PLCG1: variants seen among roughly 807,000 people sequenced by gnomAD.
PLCG1 encodes the protein phospholipase C gamma 1, also known as 1-phosphatidylinositol 4,5-bisphosphate phosphodiesterase gamma-1.
In PLCG1, 71 loss-of-function variants were observed where a neutral mutation model predicts 177.8. That is an observed-to-expected ratio of 0.40 (90% CI 0.33 to 0.49). The LOEUF (loss-of-function observed/expected upper bound fraction) is 0.49, where lower values mean the gene tolerates loss of function less well. Ranked by LOEUF, PLCG1 falls within the 20% of genes least tolerant of loss-of-function variation. The pLI is 0.72. For missense variants in PLCG1, 1,281 were observed against 1,709.0 expected (o/e 0.75, Z 4.42); for synonymous variants, 658 against 647.9 (o/e 1.02, Z -0.24).
chr20:41,141,598 G>T (rs1481005737), intron 1 of PLCG1, among the ~76,000 whole-genome samples: 1 of 152,246 alleles, frequency 6.6e-6, no homozygotes, highest in Non-Finnish European at 1.5e-5. Flanking sequence ...GTTACTCCCA[G>T]TGGGAGAGGG....
chr20:41,163,921 G>A lies in PLCG1; in HGVS notation c.1011G>A (p.Thr337=). 6.2e-7 allele frequency: 1 copy of A among 1,614,090 alleles called. No homozygotes were observed. Among genetic ancestry groups the A allele is most frequent in the Admixed American group, 1.7e-5 (1 of 60,032 alleles). The part of the protein sequence containing the change: ...SHYWISSSHN[T]YLTGDQFSSE... ...TACCTGCCTCTCCTTGCCTATCCAG[G>A]TACCTGACCGGGGACCAGTTCTCCA... Residue 337 remains threonine (T), a splice_region_variant and synonymous_variant, in exon 11 of 32, where the codon ACG becomes ACA. Transcript: ENST00000685551. This position sits in a 1 kb window ranked among gnomAD's most constrained non-coding sequence, Gnocchi z 5.2.
chr20:41,159,017 G>A lies in PLCG1; in HGVS notation c.218-589G>A, dbSNP rs1401278191. ...TAAGGAAATGGTCCCAGGCAAAATG[G>A]TGGTCTGGGTCCAGGATGGTTGCTG... On this transcript the variant is annotated intron_variant, in intron 1 of 31. Coordinates refer to ENST00000685551, the MANE Select transcript of PLCG1 (RefSeq NM_002660.3). This position sits in a 1 kb window ranked among gnomAD's most constrained non-coding sequence, Gnocchi z 6.0. Among the ~76,000 whole-genome samples the A allele has an allele frequency of 2.6e-5, 4 of 152,216 alleles. No individual in the cohort carries two copies. Among genetic ancestry groups the A allele is most frequent in the African/African-American group, 7.2e-5 (3 of 41,450 alleles).
rs1361508099 is a variant in PLCG1 at position 41,163,373 on chromosome 20, A to T, written c.790-5A>T. Reference sequence around the variant, plus strand: ...TCTCATCCCCTGCCCTCCCTACCCCATCAGGAGCTGTGGGCTGTTGATCGC... The same window carrying T: ...TCTCATCCCCTGCCCTCCCTACCCCTTCAGGAGCTGTGGGCTGTTGATCGC... On this transcript the variant is annotated splice_polypyrimidine_tract_variant and splice_region_variant and intron_variant, in intron 8 of 31. Coordinates refer to ENST00000685551, the MANE Select transcript of PLCG1 (RefSeq NM_002660.3). This position sits in a 1 kb window ranked among gnomAD's most constrained non-coding sequence, Gnocchi z 5.2. The T allele has an allele frequency of 1.2e-6, 2 of 1,611,544 alleles. No individual in the cohort carries two copies. The highest frequency in any genetic ancestry group is 1.7e-5 in the Admixed American group (1 of 59,980).
rs767728869 is a variant in PLCG1, at chr20:41,167,768, A to G, written c.2302-84A>G. ...GTGCAAGTTTGCTGCACTGGGGGAA[A>G]GGGAAGCTGCTCCAGAAACCAGTAG... On this transcript the variant is annotated intron_variant, in intron 19 of 31. Coordinates refer to ENST00000685551, the MANE Select transcript of PLCG1 (RefSeq NM_002660.3). The surrounding 1 kb of genome is among the most constrained non-coding windows in gnomAD (Gnocchi z 4.4). The G allele has an allele frequency of 2.1e-6, 2 of 966,714 alleles. No individual in the cohort carries two copies. The highest frequency in any genetic ancestry group is 3.3e-6 in the Non-Finnish European group (2 of 603,200). 59.9% of individuals were successfully genotyped at this position (966,714 alleles called of 1,614,324 possible). A position where few individuals can be genotyped will look rare whatever the true frequency, so the allele number is the denominator to read the frequency against.
chr20:41,152,644 CCTGCT>C (rs1162062028), intron 1 of PLCG1, among the ~76,000 whole-genome samples: 8 of 152,250 alleles, frequency 5.3e-5, no homozygotes, highest in African/African-American at 1.9e-4. Flanking sequence ...TGTGTTTACT[CCTGCT>C]CTTAAGTACT....
At chr20:41,171,443 C>T (rs550381665) in intron 24 of PLCG1, among the ~76,000 whole-genome samples, 5 of 151,988 alleles carry the variant, frequency 3.3e-5, no homozygotes, top group Admixed American at 6.5e-5. Flanking sequence ...AAAAATTAGC[C>T]GGGCATGTTG....
chr20:41,174,802 G>C lies in PLCG1; in HGVS notation c.*293G>C. 2.3e-6 allele frequency: 1 copy of C among 440,142 alleles called. No individual in the cohort carries two copies. The highest frequency in any genetic ancestry group is 4.2e-6 in the Non-Finnish European group (1 of 239,042). The allele number at this position is 440,142 out of a possible 1,614,324, so 27.3% of individuals were successfully genotyped here. On this transcript the variant is annotated 3_prime_UTR_variant, in exon 32 of 32. Coordinates refer to ENST00000685551, the MANE Select transcript of PLCG1 (RefSeq NM_002660.3). This position sits in a 1 kb window ranked among gnomAD's most constrained non-coding sequence, Gnocchi z 5.8. ...GGATCCTTCCATCTTGTGGGGCCAG[G>C]ACCATGGCCGAAGCCCCTTGGAGAG...
In PLCG1 at chr20:41,166,459, ACT is replaced by A. The variant is rs760854981; in HGVS notation, c.2001-14_2001-13del. 13 of 1,613,562 alleles carry A rather than the reference ACT, an allele frequency of 8.1e-6. No homozygotes were observed. Among genetic ancestry groups the A allele is most frequent in the African/African-American group, 1.3e-5 (1 of 74,834 alleles). On this transcript the variant is annotated splice_polypyrimidine_tract_variant and intron_variant, in intron 17 of 31. Transcript: ENST00000685551. The surrounding 1 kb of genome is among the most constrained non-coding windows in gnomAD (Gnocchi z 8.6). ...CCATGGGTGGTGCTGGCCGGGCCTGACTCTGCCTGTTCTCAGGTGGTACCACG... is the reference window on the plus strand; with the variant it reads ...CCATGGGTGGTGCTGGCCGGGCCTGACTGCCTGTTCTCAGGTGGTACCACG...
Position 41,148,044 on chromosome 20 carries a change from C to T in PLCG1, c.217+10186C>T, listed in dbSNP as rs1388520955. On this transcript the variant is annotated intron_variant, in intron 1 of 31. Coordinates refer to ENST00000685551, the MANE Select transcript of PLCG1 (RefSeq NM_002660.3). This position sits in a 1 kb window ranked among gnomAD's most constrained non-coding sequence, Gnocchi z 4.3. ...GGAGTGCAGCCAGATGCTGTGGCGG[C>T]TGGGTCAAGTAGCTCTAAAACAGGA... is the stretch of plus-strand genomic sequence containing the variant. Among the ~76,000 whole-genome samples, 3 of 152,080 alleles carry T rather than the reference C, an allele frequency of 2.0e-5. No individual in the cohort carries two copies. Among genetic ancestry groups the T allele is most frequent in the African/African-American group, 7.2e-5 (3 of 41,410 alleles).
chr20:41,165,075 C>T lies in PLCG1; in HGVS notation c.1360C>T (p.Gln454Ter). The change falls in exon 13 of 32, where the codon CAG becomes TAG. Residue 454 changes from glutamine to a stop codon, truncating the protein, a stop_gained. Coordinates refer to ENST00000685551, the MANE Select transcript of PLCG1 (RefSeq NM_002660.3). LOFTEE classifies it high-confidence loss of function. The surrounding 1 kb of genome is among the most constrained non-coding windows in gnomAD (Gnocchi z 6.6). ...ISADGLPSPN[Q>*]LKRKILIKHK... ...TGCCGACGGGCTCCCCTCACCCAACCAGCTTAAGAGGAAGATCCTCATCAA... is the reference window on the plus strand; with the variant it reads ...TGCCGACGGGCTCCCCTCACCCAACTAGCTTAAGAGGAAGATCCTCATCAA... The T allele has an allele frequency of 6.2e-7, 1 of 1,613,900 alleles. No individual in the cohort carries two copies. Among genetic ancestry groups the T allele is most frequent in the South Asian group, 1.1e-5 (1 of 91,036 alleles).
chr20:41,154,239 G>A (rs1222445271), intron 1 of PLCG1, among the ~76,000 whole-genome samples: 1 of 152,158 alleles, frequency 6.6e-6, no homozygotes, highest in Non-Finnish European at 1.5e-5. Flanking sequence ...TAAATTTGGG[G>A]GACCTCTGTC....
Position 41,173,015 on chromosome 20 carries a change from G to A in PLCG1, c.3279+138G>A, listed in dbSNP as rs978931767. The A allele has an allele frequency of 3.8e-6, 3 of 798,036 alleles. No homozygotes were observed. Among genetic ancestry groups the A allele is most frequent in the Non-Finnish European group, 5.9e-6 (3 of 506,046 alleles). The allele number at this position is 798,036 out of a possible 1,614,324, so 49.4% of individuals were successfully genotyped here. On this transcript the variant is annotated intron_variant, in intron 27 of 31. Transcript: ENST00000685551. The surrounding 1 kb of genome is among the most constrained non-coding windows in gnomAD (Gnocchi z 6.2). ...TGGGTGGGGCCTGAGCTGAGTCTTT[G>A]AAGGGGTGAAGATAGCATGCAGTCA...
Position 41,166,925 on chromosome 20 carries a change from T to G in PLCG1, c.2301+66T>G, listed in dbSNP as rs1406456905. ...GGAGAGACCCAGAATCTTACCAGTCTCTGGATGTGTGTAACAGCAAGACCT... is the reference window on the plus strand; with the variant it reads ...GGAGAGACCCAGAATCTTACCAGTCGCTGGATGTGTGTAACAGCAAGACCT... On this transcript the variant is annotated intron_variant, in intron 19 of 31. Coordinates refer to ENST00000685551, the MANE Select transcript of PLCG1 (RefSeq NM_002660.3). This position sits in a 1 kb window ranked among gnomAD's most constrained non-coding sequence, Gnocchi z 8.6. 3.5e-6 allele frequency: 5 copies of G among 1,448,188 alleles called. No individual in the cohort carries two copies. The highest frequency in any genetic ancestry group is 4.8e-6 in the Non-Finnish European group (5 of 1,035,890). 89.7% of individuals were successfully genotyped at this position (1,448,188 alleles called of 1,614,324 possible).
At position 41,160,010 on chromosome 20, in the gene PLCG1, A is replaced by G. The variant is rs767641465; in HGVS notation, c.464+47A>G. 6.3e-7 allele frequency: 1 copy of G among 1,598,258 alleles called. No individual in the cohort carries two copies. Among genetic ancestry groups the G allele is most frequent in the South Asian group, 1.1e-5 (1 of 90,774 alleles). The stretch of plus-strand genomic sequence containing the variant: ...GTTAGGGCTGGGAGCATTAGGGACC[A>G]GGGGGACAGGGACAGCAGACCTTTG... On this transcript the variant is annotated intron_variant, in intron 3 of 31. Transcript: ENST00000685551. This position sits in a 1 kb window ranked among gnomAD's most constrained non-coding sequence, Gnocchi z 5.5.
intron 24 of PLCG1, among the ~76,000 whole-genome samples, chr20:41,171,455 C>T (rs2035892094): frequency 6.6e-6 from 1 of 151,924 alleles, no homozygotes; most frequent in African/African-American, 2.4e-5. Flanking sequence ...GGCATGTTGG[C>T]CGGCACCTGT....
At chr20:41,138,144 G>T (rs865975385) in intron 1 of PLCG1, 3 of 286,364 alleles carry the variant, frequency 1.0e-5, no homozygotes, top group Non-Finnish European at 1.9e-5. Context: ...GAGACCTGCG[G>T]TGCAGGCATC....
At position 41,146,995 on chromosome 20, in the gene PLCG1, T is replaced by G. The variant is rs1264425943; in HGVS notation, c.217+9137T>G. 6.6e-6 allele frequency among the ~76,000 whole-genome samples: 1 copy of G among 152,144 alleles called. No individual in the cohort carries two copies. Among genetic ancestry groups the G allele is most frequent in the African/African-American group, 2.4e-5 (1 of 41,420 alleles). ...AGCTAAGGAATACAACTCCATTCCC[T>G]CAGTTGGGAGGTTGGGCAGCGATGG... On this transcript the variant is annotated intron_variant, in intron 1 of 31. Transcript: ENST00000685551. The surrounding 1 kb of genome is among the most constrained non-coding windows in gnomAD (Gnocchi z 6.3).
Position 41,163,381 on chromosome 20 carries a change from C to T in PLCG1, c.793C>T (p.Leu265=). ...CCTGCCCTCCCTACCCCATCAGGAG[C>T]TGTGGGCTGTTGATCGCCTCCAGGT... ...QQFLLDYQGE[L]WAVDRLQVQE... The change falls in exon 9 of 32, where the codon CTG becomes TTG. Residue 265 remains leucine, a synonymous_variant. Coordinates refer to ENST00000685551, the MANE Select transcript of PLCG1 (RefSeq NM_002660.3). This position sits in a 1 kb window ranked among gnomAD's most constrained non-coding sequence, Gnocchi z 5.2. 5 of 1,611,822 alleles carry T rather than the reference C, an allele frequency of 3.1e-6. No individual in the cohort carries two copies. Among genetic ancestry groups the T allele is most frequent in the Admixed American group, 1.7e-5 (1 of 60,016 alleles).
Position 41,159,533 on chromosome 20 carries a change from C to A in PLCG1, c.218-73C>A, listed in dbSNP as rs2035425770. ...GAGAGAGAGTGTAAGAATGAGGAAA[C>A]CAGGCTGCCCTCCTTTCGGTGTTGA... On this transcript the variant is annotated intron_variant, in intron 1 of 31. Transcript: ENST00000685551. This position sits in a 1 kb window ranked among gnomAD's most constrained non-coding sequence, Gnocchi z 6.0. The A allele has an allele frequency of 2.0e-6, 3 of 1,513,016 alleles. No homozygotes were observed. The African/African-American group carries it at 4.1e-5, about 21-fold the overall frequency. 93.7% of individuals were successfully genotyped at this position (1,513,016 alleles called of 1,614,324 possible).
Sources: allele counts gnomAD v4.1 joint callset (sites outside exome capture counted in the v4.1 genomes callset), GRCh38; gene constraint gnomAD v4.1.1; non-coding constraint Gnocchi (gnomAD v3.1); transcripts MANE v1.5; gene names NCBI Gene and HGNC (gene_info 2026-07-23, HGNC 2026-07-21).